The following KCNIP1 variants were observed in gnomAD, a reference collection of about 807,000 sequenced individuals.
KCNIP1 encodes A-type potassium channel modulatory protein KCNIP1.
Under a neutral mutation model 33.0 loss-of-function variants are expected in KCNIP1, and 18 were observed. The observed-to-expected ratio is 0.55, with a 90% CI of 0.38 to 0.81. KCNIP1 has a LOEUF of 0.81. Ranked by LOEUF, KCNIP1 falls within the 30% of genes least tolerant of loss-of-function variation. The pLI is 0.00. For synonymous variants in KCNIP1, 93 were observed against 98.3 expected (o/e 0.95, Z 0.32); for missense variants, 238 against 271.6 (o/e 0.88, Z 0.87).
chr5:170,382,334 G>A (rs913645571), intron 1 of KCNIP1, among the ~76,000 whole-genome samples: 2 of 152,134 alleles, frequency 1.3e-5, no homozygotes, highest in Non-Finnish European at 2.9e-5. Context: ...CCCTAGTTTT[G>A]TTTTTTAAGA....
At chr5:170,417,561 C>T (rs1215372194) in intron 1 of KCNIP1, among the ~76,000 whole-genome samples, 1 of 152,214 alleles carries the variant, frequency 6.6e-6, no homozygotes, top group Non-Finnish European at 1.5e-5. Flanking sequence ...TGGCAGAAGT[C>T]ACTGCCCCTC....
intron 1 of KCNIP1, among the ~76,000 whole-genome samples, chr5:170,439,087 G>A (rs1303486533): frequency 6.6e-6 from 1 of 152,114 alleles, no homozygotes; most frequent in African/African-American, 2.4e-5. Flanking sequence ...ACTGACAATG[G>A]ACAGATTCAC....
At chr5:170,689,052 ACATGAT>A (rs1762634615) in intron 1 of KCNIP1, among the ~76,000 whole-genome samples, 1 of 152,196 alleles carries the variant, frequency 6.6e-6, no homozygotes, top group Non-Finnish European at 1.5e-5. Context: ...TAAAGATAAT[ACATGAT>A]ATGAGTCAGT....
chr5:170,723,287 G>A (rs17565486), intron 5 of KCNIP1, among the ~76,000 whole-genome samples: 54,869 of 152,064 alleles, frequency 0.36, 10,975 homozygotes, highest in Non-Finnish European at 0.46. Context: ...CCGCCAAGGG[G>A]GTAATGGAAG....
intron 1 of KCNIP1, among the ~76,000 whole-genome samples, chr5:170,364,439 T>G (rs544087773): frequency 4.6e-5 from 7 of 152,258 alleles, no homozygotes; most frequent in Non-Finnish European, 1.0e-4. Context: ...TTCCCATATT[T>G]TTAAAATAAA....
intron 1 of KCNIP1, among the ~76,000 whole-genome samples, chr5:170,430,843 A>G (rs1431513702): frequency 6.6e-6 from 1 of 152,198 alleles, no homozygotes; most frequent in African/African-American, 2.4e-5. Context: ...TACTGATCTC[A>G]GCCCTTCTCT....
chr5:170,454,784 A>G (rs1360346906), intron 1 of KCNIP1, among the ~76,000 whole-genome samples: 1 of 152,162 alleles, frequency 6.6e-6, no homozygotes, highest in Admixed American at 6.5e-5. Context: ...AACATAAAGA[A>G]CTAGTTATTT....
chr5:170,579,979 A>G (rs1470389597), intron 1 of KCNIP1, among the ~76,000 whole-genome samples: 1 of 152,140 alleles, frequency 6.6e-6, no homozygotes, highest in Admixed American at 6.5e-5. Flanking sequence ...GAAAGAAAAA[A>G]AAAAAACAAG....
chr5:170,401,458 T>G (rs1175833450), intron 1 of KCNIP1, among the ~76,000 whole-genome samples: 2 of 152,276 alleles, frequency 1.3e-5, no homozygotes, highest in African/African-American at 2.4e-5. Flanking sequence ...ATAAAAGGAC[T>G]GATTTTTTAA....
chr5:170,361,987 C>A (rs544150546), intron 1 of KCNIP1, among the ~76,000 whole-genome samples: 1 of 152,262 alleles, frequency 6.6e-6, no homozygotes, highest in East Asian at 1.9e-4. Flanking sequence ...CTCTTCATCT[C>A]TAAAATGAAG....
intron 1 of KCNIP1, among the ~76,000 whole-genome samples, chr5:170,464,750 A>T (rs1243225710): frequency 6.6e-6 from 1 of 152,104 alleles, no homozygotes; most frequent in Non-Finnish European, 1.5e-5. Context: ...AGTTTCTTCG[A>T]CACAGGACCT....
chr5:170,427,051 A>G (rs1165309688), intron 1 of KCNIP1, among the ~76,000 whole-genome samples: 1 of 152,226 alleles, frequency 6.6e-6, no homozygotes, highest in African/African-American at 2.4e-5. Context: ...GACTCAGCCC[A>G]AGGAGGGCTG....
intron 1 of KCNIP1, among the ~76,000 whole-genome samples, chr5:170,483,571 T>A (rs1223287699): frequency 6.6e-6 from 1 of 152,200 alleles, no homozygotes; most frequent in Non-Finnish European, 1.5e-5. Context: ...AGGTTCCAGA[T>A]GGTTGGGACA....
intron 1 of KCNIP1, among the ~76,000 whole-genome samples, chr5:170,544,840 A>T (rs150931354): frequency 5.5e-4 from 83 of 152,204 alleles, no homozygotes; most frequent in African/African-American, 1.9e-3. Context: ...TCCTGTACCC[A>T]CTTCTTTCTT....
chr5:170,426,414 T>C (rs1755616788), intron 1 of KCNIP1, among the ~76,000 whole-genome samples: 1 of 152,226 alleles, frequency 6.6e-6, no homozygotes, highest in South Asian at 2.1e-4. Flanking sequence ...GACCTTGTCT[T>C]GCTTTGCCTC....
At chr5:170,712,817 A>G (rs1204592088) in intron 1 of KCNIP1, 1 of 1,608,486 alleles carries the variant, frequency 6.2e-7, no homozygotes. Flanking sequence ...CTTTTCGATG[A>G]ATCGATTTGG....
chr5:170,566,679 G>A (rs1757217097), intron 1 of KCNIP1, among the ~76,000 whole-genome samples: 1 of 152,174 alleles, frequency 6.6e-6, no homozygotes, highest in African/African-American at 2.4e-5. Flanking sequence ...CAGTGAGGAA[G>A]GCATGGATCA....
intron 1 of KCNIP1, among the ~76,000 whole-genome samples, chr5:170,447,739 C>G (rs1328428973): frequency 2.0e-5 from 3 of 151,828 alleles, no homozygotes; most frequent in Non-Finnish European, 2.9e-5. Flanking sequence ...TTTCAGTGGG[C>G]CAACGAATGT....
intron 1 of KCNIP1, among the ~76,000 whole-genome samples, chr5:170,698,562 G>A (rs1263389377): frequency 6.6e-6 from 1 of 152,100 alleles, no homozygotes; most frequent in Non-Finnish European, 1.5e-5. Flanking sequence ...CCCTAGGCAT[G>A]GGAAAATTCT....
Sources: gnomAD v4.1 joint callset for allele counts (sites outside exome capture counted in the v4.1 genomes callset) on GRCh38, gnomAD v4.1.1 for gene constraint, MANE v1.5 for transcripts, NCBI Gene and HGNC (gene_info 2026-07-23, HGNC 2026-07-21) for gene names.